Variants in SYNRG observed in about 807,000 individuals in gnomAD.
SYNRG encodes synergin gamma, also known as AP1 gamma subunit binding protein 1.
In SYNRG, 37 loss-of-function variants were observed where a neutral mutation model predicts 130.9. The ratio of observed to expected loss-of-function variants is 0.28; its 90% CI spans 0.22 to 0.37. The LOEUF (loss-of-function observed/expected upper bound fraction) is 0.37. Among genes scored for constraint, SYNRG ranks in the 10% least tolerant of loss-of-function variants. The pLI is 1.00. For synonymous variants in SYNRG, 539 were observed against 568.1 expected, an observed-to-expected ratio of 0.95 and a Z score of 0.73; for missense variants, 1,338 against 1,588.9, an observed-to-expected ratio of 0.84 and a Z score of 2.68.
rs1209283113 is a variant in SYNRG at position 37,517,390 on chromosome 17, A to C, written c.*1550T>G. On this transcript the variant is annotated 3_prime_UTR_variant, in exon 22 of 22. Coordinates refer to ENST00000612223, the MANE Select transcript of SYNRG (RefSeq NM_007247.6). ...AGCCTTGTGGTGGGCAAAAGCTCCA[A>C]AGGTGCCCATTCAGAGTGAGCTGCC... 1 of 152,018 alleles carries C rather than the reference A, an allele frequency of 6.6e-6. No individual in the cohort carries two copies. The highest frequency in any genetic ancestry group is 1.5e-5 in the Non-Finnish European group (1 of 68,006). 9.4% of individuals were successfully genotyped at this position (152,018 alleles called of 1,614,324 possible).
chr17:37,593,480 A>G (rs1017456514), intron 3 of SYNRG, among the ~76,000 whole-genome samples: 1 of 152,168 alleles, frequency 6.6e-6, no homozygotes, highest in African/African-American at 2.4e-5. Context: ...CAAAGACTTA[A>G]GAGATAACTA....
intron 15 of SYNRG, chr17:37,541,273 T>G (rs943067871): frequency 2.7e-5 from 27 of 985,204 alleles, no homozygotes; most frequent in Non-Finnish European, 3.3e-5. Context: ...AGGATGAGAT[T>G]AAAGCAGAAG....
At chr17:37,580,279 T>C (rs1336876971) in intron 6 of SYNRG, among the ~76,000 whole-genome samples, 1 of 144,196 alleles carries the variant, frequency 6.9e-6, no homozygotes, top group African/African-American at 2.6e-5. Flanking sequence ...ATATGAGAAA[T>C]AAAAATTACA....
intron 4 of SYNRG, among the ~76,000 whole-genome samples, chr17:37,585,947 A>G (rs1341465400): frequency 2.0e-5 from 3 of 152,098 alleles, no homozygotes; most frequent in Non-Finnish European, 4.4e-5. Context: ...CAGGATCTCT[A>G]AGGTCCTTTT....
chr17:37,596,214 A>T lies in SYNRG; in HGVS notation c.240+9T>A, dbSNP rs1265622385. On this transcript the variant is annotated intron_variant, in intron 3 of 21. Transcript: ENST00000612223. ...AACTTTGTAAGAAACCAACTAAAGAAGCAAGTACCTGCATAGCAATAGGTC... is the reference window on the plus strand; with the variant it reads ...AACTTTGTAAGAAACCAACTAAAGATGCAAGTACCTGCATAGCAATAGGTC... 1 of 1,612,876 alleles carries T rather than the reference A, an allele frequency of 6.2e-7. No individual in the cohort carries two copies. Among genetic ancestry groups the T allele is most frequent in the South Asian group, 1.1e-5 (1 of 90,952 alleles).
chr17:37,519,354 A>G (rs1179599562), intron 21 of SYNRG, among the ~76,000 whole-genome samples: 1 of 152,198 alleles, frequency 6.6e-6, no homozygotes, highest in Non-Finnish European at 1.5e-5. Flanking sequence ...GGGGGGAATC[A>G]TGATAAGGGG....
intron 18 of SYNRG, chr17:37,537,089 T>C (rs1357160400): frequency 6.6e-6 from 1 of 152,238 alleles, no homozygotes; most frequent in Non-Finnish European, 1.5e-5. Flanking sequence ...AGGTGCCCCA[T>C]TTCCTGGTGG....
At chr17:37,581,569 C>T (rs1052382382) in intron 6 of SYNRG, among the ~76,000 whole-genome samples, 8 of 151,908 alleles carry the variant, frequency 5.3e-5, no homozygotes, top group Admixed American at 5.2e-4. Flanking sequence ...TGAGCCACCA[C>T]GCCTTACCTT....
chr17:37,597,290 A>G (rs183841191), intron 2 of SYNRG, among the ~76,000 whole-genome samples: 2 of 152,208 alleles, frequency 1.3e-5, no homozygotes, highest in African/African-American at 2.4e-5. Flanking sequence ...CTGCAATCTC[A>G]TAAGAGGTCT....
chr17:37,586,633 T>C, intron 3 of SYNRG, 84 bp from the exon 4 acceptor site: 2 of 1,441,902 alleles, frequency 1.4e-6, no homozygotes, highest in Non-Finnish European at 1.9e-6. Context: ...ATAAATTCTA[T>C]CTTAATACTC....
rs200122224 is a variant in SYNRG at position 37,542,317 on chromosome 17, C to T, written c.2857G>A (p.Glu953Lys). Reference protein sequence around the residue: ...SLSKVTTFVSEDALPETTFPA... With the variant: ...SLSKVTTFVSKDALPETTFPA... ...AAGGTGGTCTCTGGAAGAGCATCTT[C>T]ACTTACAAAGGTCGTTACTTTGGAG... The change falls in exon 15 of 22, where the codon GAA (glutamate) becomes AAA (lysine). Residue 953 changes from glutamate to lysine, a missense_variant. By Grantham distance (56) the Glu-to-Lys change is moderately conservative (BLOSUM62 1). Coordinates refer to ENST00000612223, the MANE Select transcript of SYNRG (RefSeq NM_007247.6). 1.6e-4 allele frequency: 264 copies of T among 1,614,080 alleles called. No homozygotes were observed. Among genetic ancestry groups the T allele is most frequent in the Non-Finnish European group, 2.2e-4 (257 of 1,180,044 alleles).
At chr17:37,584,140 T>C (rs541143253) in intron 6 of SYNRG, among the ~76,000 whole-genome samples, 1 of 152,282 alleles carries the variant, frequency 6.6e-6, no homozygotes, top group Admixed American at 6.5e-5. Flanking sequence ...TCTTTTTGCT[T>C]ACCTGACAAT....
chr17:37,578,131 A>G (rs1050100929), intron 6 of SYNRG, among the ~76,000 whole-genome samples: 2 of 151,798 alleles, frequency 1.3e-5, no homozygotes, highest in Non-Finnish European at 2.9e-5. Context: ...GGAGTTCAAG[A>G]CCAGCCTGAC....
In SYNRG at chr17:37,571,982, A is replaced by G; in HGVS notation, c.907T>C (p.Tyr303His). 1 of 1,610,070 alleles carries G rather than the reference A, an allele frequency of 6.2e-7. No individual in the cohort carries two copies. Among genetic ancestry groups the G allele is most frequent in the Non-Finnish European group, 8.5e-7 (1 of 1,178,678 alleles). The change falls in exon 9 of 22, where the codon TAT becomes CAT. Residue 303 changes from tyrosine to histidine, a missense_variant. Coordinates refer to ENST00000612223, the MANE Select transcript of SYNRG (RefSeq NM_007247.6). ...IYNESLVPDA[Y>H]KKILETTMTP... is the part of the protein sequence containing the mutation. ...ATTGTGGTTTCTAAGATTTTCTTAT[A>G]GGCATCTATTAAAGGAAAGACCAGA...
chr17:37,525,910 G>A (rs1187132246), intron 19 of SYNRG, among the ~76,000 whole-genome samples: 2 of 152,232 alleles, frequency 1.3e-5, no homozygotes, highest in African/African-American at 4.8e-5. Flanking sequence ...AGGTTGAAGT[G>A]AGCCAAGATC....
intron 1 of SYNRG, among the ~76,000 whole-genome samples, chr17:37,606,217 T>C (rs1271140895): frequency 1.3e-5 from 2 of 152,220 alleles, no homozygotes; most frequent in African/African-American, 4.8e-5. Context: ...TCCTTAGTGT[T>C]GACTAGGCCT....
At chr17:37,569,655 A>C (rs1446796568) in intron 10 of SYNRG, among the ~76,000 whole-genome samples, 44 of 103,086 alleles carry the variant, frequency 4.3e-4, no homozygotes, top group African/African-American at 1.1e-3. Context: ...ACTCTGTCTC[A>C]AAAAAAAAAA....
At chr17:37,545,845 G>A (rs1309513899) in intron 14 of SYNRG, among the ~76,000 whole-genome samples, 1 of 152,184 alleles carries the variant, frequency 6.6e-6, no homozygotes, top group Non-Finnish European at 1.5e-5. Context: ...ATTATAGTGT[G>A]AAAAAGTAAT....
chr17:37,607,527 G>A (rs1442960252), intron 1 of SYNRG, among the ~76,000 whole-genome samples: 1 of 152,106 alleles, frequency 6.6e-6, no homozygotes, highest in Non-Finnish European at 1.5e-5. Flanking sequence ...GGTGACTCAA[G>A]CCTGTAATTC....
Sources: gnomAD v4.1 joint callset for allele counts (sites outside exome capture counted in the v4.1 genomes callset) on GRCh38, gnomAD v4.1.1 for gene constraint, MANE v1.5 for transcripts, NCBI Gene and HGNC (gene_info 2026-07-23, HGNC 2026-07-21) for gene names.